SPATA17: variants seen among roughly 807,000 people sequenced by gnomAD.
SPATA17 encodes spermatogenesis associated 17, also known as spermatogenesis-associated protein 17.
Under a neutral mutation model 62.2 loss-of-function variants are expected in SPATA17, and 53 were observed. The observed-to-expected ratio is 0.85, with a 90% CI of 0.68 to 1.07. SPATA17 has a LOEUF of 1.07. Ranked by LOEUF, SPATA17 falls within the 50% of genes least tolerant of loss-of-function variation. SPATA17 has a pLI of 0.00. For synonymous variants in SPATA17, 146 were observed against 146.8 expected, an observed-to-expected ratio of 0.99 and a Z score of 0.04; for missense variants, 466 against 425.5, an observed-to-expected ratio of 1.10 and a Z score of -0.84.
intron 1 of SPATA17, among the ~76,000 whole-genome samples, chr1:217,643,957 A>G (rs138074730): frequency 0.046 from 6,959 of 152,080 alleles, 214 homozygotes; most frequent in Middle Eastern, 0.095. Flanking sequence ...TGAACTCCTG[A>G]CCTCAGGTGA....
intron 5 of SPATA17, among the ~76,000 whole-genome samples, chr1:217,705,408 A>G (rs1001915341): frequency 2.8e-4 from 22 of 78,574 alleles, no homozygotes; most frequent in African/African-American, 9.6e-4. Context: ...GAAGCTCTTT[A>G]TCTCAATTAG....
At position 217,651,103 on chromosome 1, in the gene SPATA17, A is replaced by G; in HGVS notation, c.165A>G (p.Leu55=). ...CATATTTTTTTTATCCTAGGCATTT[A>G]AACAGGATTGTAACAATTATTCAAA... The part of the protein sequence containing the change: ...GCQVRAYIRH[L]NRIVTIIQKW... Residue 55 remains leucine (L), a synonymous_variant, in exon 3 of 11, where the codon TTA becomes TTG. Transcript: ENST00000366933. 1.9e-6 allele frequency: 3 copies of G among 1,604,178 alleles called. No homozygotes were observed. The highest frequency in any genetic ancestry group is 4.5e-5 in the East Asian group (2 of 44,676).
intron 5 of SPATA17, among the ~76,000 whole-genome samples, chr1:217,710,510 A>C (rs1571749103): frequency 1.3e-5 from 2 of 152,144 alleles, no homozygotes; most frequent in Admixed American, 1.3e-4. Flanking sequence ...TCTGTTTTGA[A>C]TGTAAATTTG....
At position 217,763,926 on chromosome 1, in the gene SPATA17, G is replaced by T. The variant is rs184006219; in HGVS notation, c.520-10408G>T. On this transcript the variant is annotated intron_variant, in intron 6 of 10. Transcript: ENST00000366933. ...AAAAAAATAGGCTTTATATTTTAGA[G>T]CAGTTTTAGATTTATAGAAAAATTG... 2.4e-3 allele frequency among the ~76,000 whole-genome samples: 372 copies of T among 152,224 alleles called. 2 individuals are homozygous for T. Among genetic ancestry groups the T allele is most frequent in the Middle Eastern group, 0.017 (5 of 294 alleles).
At chr1:217,865,602 G>T (rs1478679862) in intron 10 of SPATA17, among the ~76,000 whole-genome samples, 1 of 152,200 alleles carries the variant, frequency 6.6e-6, no homozygotes, top group Non-Finnish European at 1.5e-5. Flanking sequence ...GTCTAAATCA[G>T]TGTGTTGTGT....
chr1:217,726,995 C>T (rs150353638), intron 5 of SPATA17, among the ~76,000 whole-genome samples: 3,193 of 152,004 alleles, frequency 0.021, 48 homozygotes, highest in Middle Eastern at 0.068. Flanking sequence ...CGCCTGTAAT[C>T]CCAGCACTTT....
intron 6 of SPATA17, among the ~76,000 whole-genome samples, chr1:217,773,657 T>C (rs1673510196): frequency 6.6e-6 from 1 of 152,146 alleles, no homozygotes; most frequent in Non-Finnish European, 1.5e-5. Flanking sequence ...GACAAAGTCA[T>C]TGATAGAACA....
At chr1:217,771,831 C>T (rs1673453724) in intron 6 of SPATA17, among the ~76,000 whole-genome samples, 1 of 108,480 alleles carries the variant, frequency 9.2e-6, no homozygotes, top group African/African-American at 3.6e-5. Context: ...TATGTATACA[C>T]GTGCATGCAA....
intron 5 of SPATA17, among the ~76,000 whole-genome samples, chr1:217,711,862 C>A (rs1276083759): frequency 6.6e-6 from 1 of 152,112 alleles, no homozygotes; most frequent in Non-Finnish European, 1.5e-5. Context: ...TAAAATTTCC[C>A]CAGGAAGGAG....
chr1:217,790,101 TC>T (rs1214370995), intron 8 of SPATA17, among the ~76,000 whole-genome samples: 2 of 152,000 alleles, frequency 1.3e-5, no homozygotes, highest in East Asian at 1.9e-4. Context: ...GGGAATGACT[TC>T]CCCCAAGCCC....
chr1:217,824,488 T>C (rs1209338620), intron 9 of SPATA17, among the ~76,000 whole-genome samples: 2 of 151,520 alleles, frequency 1.3e-5, no homozygotes, highest in Non-Finnish European at 3.0e-5. Flanking sequence ...GGCATTTTTA[T>C]TGATTCCATC....
intron 6 of SPATA17, among the ~76,000 whole-genome samples, chr1:217,761,475 C>CAT (rs977948809): frequency 2.4e-4 from 36 of 152,054 alleles, no homozygotes; most frequent in African/African-American, 9.7e-5. Flanking sequence ...TATACATATA[C>CAT]ATATATATAT....
chr1:217,743,182 G>A lies in SPATA17; in HGVS notation c.519+1084G>A, dbSNP rs191404362. 2.5e-4 allele frequency among the ~76,000 whole-genome samples: 38 copies of A among 152,108 alleles called. No individual in the cohort carries two copies. The East Asian group carries it at 7.1e-3, about 29-fold the overall frequency. ...TACAGATACAAAGCTAGTAGAAATA[G>A]ATATGGCACTCGGCACTCTGAGGTC... On this transcript the variant is annotated intron_variant, in intron 6 of 10. Coordinates refer to ENST00000366933, the MANE Select transcript of SPATA17 (RefSeq NM_138796.4).
intron 1 of SPATA17, among the ~76,000 whole-genome samples, chr1:217,635,998 T>C (rs1669928154): frequency 1.3e-5 from 2 of 150,658 alleles, no homozygotes; most frequent in South Asian, 4.2e-4. Flanking sequence ...CTGCATGGGG[T>C]GGTGGGCGCC....
At chr1:217,683,787 TA>T (rs996532808) in intron 5 of SPATA17, among the ~76,000 whole-genome samples, 5 of 152,074 alleles carry the variant, frequency 3.3e-5, no homozygotes, top group South Asian at 4.1e-4. Context: ...CATTTATTGA[TA>T]AAAAATATAT....
At position 217,742,100 on chromosome 1, in the gene SPATA17, T is replaced by A. The variant is rs1336380571; in HGVS notation, c.519+2T>A. ...CATTACCTCCTCAGCACAAAGCAGGTTGGTTTACCTGTCCCTGACAGCTCC... is the reference window on the plus strand; with the variant it reads ...CATTACCTCCTCAGCACAAAGCAGGATGGTTTACCTGTCCCTGACAGCTCC... On this transcript the variant is annotated splice_donor_variant, in intron 6 of 10. Transcript: ENST00000366933. LOFTEE classifies it high-confidence loss of function. The A allele has an allele frequency of 1.2e-6, 2 of 1,613,906 alleles. No individual in the cohort carries two copies. The highest frequency in any genetic ancestry group is 1.7e-5 in the Admixed American group (1 of 59,996).
At chr1:217,673,204 A>G (rs1670869407) in intron 4 of SPATA17, among the ~76,000 whole-genome samples, 1 of 152,118 alleles carries the variant, frequency 6.6e-6, no homozygotes, top group African/African-American at 2.4e-5. Context: ...TGTAAATGGA[A>G]GACTTCATGA....
At position 217,846,919 on chromosome 1, in the gene SPATA17, C is replaced by T. The variant is rs960562483; in HGVS notation, c.1006-15855C>T. ...AGTGCAATTTAAAAAGTGATATCAA[C>T]TAATTAGCAGTTATTATACATTGGT... On this transcript the variant is annotated intron_variant, in intron 9 of 10. Coordinates refer to ENST00000366933, the MANE Select transcript of SPATA17 (RefSeq NM_138796.4). Among the ~76,000 whole-genome samples the T allele has an allele frequency of 2.6e-5, 4 of 151,916 alleles. No homozygotes were observed. In the East Asian group the frequency reaches 7.7e-4, roughly 29 times the overall value.
intron 9 of SPATA17, among the ~76,000 whole-genome samples, chr1:217,853,896 A>G (rs554357991): frequency 5.9e-4 from 90 of 152,264 alleles, no homozygotes; most frequent in Non-Finnish European, 1.0e-3. Flanking sequence ...TCAGCAGTAC[A>G]CTTAGGGTTA....
Sources: allele counts gnomAD v4.1 joint callset (sites outside exome capture counted in the v4.1 genomes callset), GRCh38; gene constraint gnomAD v4.1.1; transcripts MANE v1.5; gene names NCBI Gene and HGNC (gene_info 2026-07-23, HGNC 2026-07-21).